The following EFCAB14 variants were observed in gnomAD, a reference collection of about 807,000 sequenced individuals.
The protein encoded by EFCAB14 is EF-hand calcium-binding domain-containing protein 14.
EFCAB14 carries 43 observed loss-of-function variants against 56.5 expected under a neutral mutation model. That is an observed-to-expected ratio of 0.76 (90% CI 0.60 to 0.98). The LOEUF (loss-of-function observed/expected upper bound fraction) is 0.98, where lower values mean the gene tolerates loss of function less well. Among genes scored for constraint, EFCAB14 ranks in the 50% least tolerant of loss-of-function variants. The pLI is 0.00. For missense variants in EFCAB14, 538 were observed against 580.3 expected (o/e 0.93, Z 0.75); for synonymous variants, 235 against 212.9 (o/e 1.10, Z -0.90).
intron 2 of EFCAB14, among the ~76,000 whole-genome samples, chr1:46,709,078 T>A (rs200841338): frequency 1.3e-5 from 2 of 152,236 alleles, no homozygotes; most frequent in Non-Finnish European, 2.9e-5. Context: ...CATTTCTACA[T>A]GGTCAGCTAC....
At chr1:46,709,940 A>G (rs1462816779) in intron 2 of EFCAB14, among the ~76,000 whole-genome samples, 1 of 152,140 alleles carries the variant, frequency 6.6e-6, no homozygotes, top group Non-Finnish European at 1.5e-5. Context: ...TTGAGCCAAG[A>G]TCTTGCCACC....
chr1:46,684,590 A>G lies in EFCAB14; in HGVS notation c.1087T>C (p.Ser363Pro). Residue 363 changes from serine (S) to proline (P), a missense_variant, in exon 9 of 11, where the codon TCA becomes CCA. Coordinates refer to ENST00000371933, the MANE Select transcript of EFCAB14 (RefSeq NM_014774.3). ...CTTAGCTTGGATACCTGAGAATTTG[A>G]ACTATCTTCTTTCTGCACAAAACAA... is the stretch of plus-strand genomic sequence containing the variant. ...KIQSIKKEDSSNSQVSKLREK... is the reference protein window; with the variant it reads ...KIQSIKKEDSPNSQVSKLREK... The G allele has an allele frequency of 6.2e-7, 1 of 1,613,922 alleles. No individual in the cohort carries two copies.
At position 46,718,274 on chromosome 1, in the gene EFCAB14, A is replaced by G. The variant is rs774078034; in HGVS notation, c.-187T>C. ...GGGACTGGAGATTGGAGCCCAGAGG[A>G]AACTGGAACTCAGATGGGTGGGGGA... On this transcript the variant is annotated 5_prime_UTR_variant, in exon 1 of 11. Transcript: ENST00000371933. 1.8e-4 allele frequency: 104 copies of G among 562,472 alleles called. No individual in the cohort carries two copies. Among genetic ancestry groups the G allele is most frequent in the South Asian group, 2.2e-4 (9 of 40,324 alleles). 34.8% of individuals were successfully genotyped at this position (562,472 alleles called of 1,614,324 possible).
At chr1:46,700,260 G>A (rs1303828975) in intron 3 of EFCAB14, among the ~76,000 whole-genome samples, 1 of 152,202 alleles carries the variant, frequency 6.6e-6, no homozygotes, top group Non-Finnish European at 1.5e-5. Context: ...AAAGCTCTTA[G>A]CATAGTACCT....
At chr1:46,715,294 G>A (rs1486643701) in intron 2 of EFCAB14, among the ~76,000 whole-genome samples, 2 of 152,176 alleles carry the variant, frequency 1.3e-5, no homozygotes, top group Non-Finnish European at 2.9e-5. Flanking sequence ...GGTGCAGACA[G>A]TAGTGTTATA....
intron 3 of EFCAB14, 76 bp from the exon 4 acceptor site, chr1:46,696,725 G>GTAGA: frequency 3.8e-6 from 5 of 1,327,846 alleles, no homozygotes; most frequent in South Asian, 1.2e-5. Flanking sequence ...CAAACTCTAC[G>GTAGA]GTTGGTGATG....
Position 46,718,039 on chromosome 1 carries a change from T to C in EFCAB14, c.49A>G (p.Ser17Gly), listed in dbSNP as rs757775551. The C allele has an allele frequency of 3.1e-6, 5 of 1,614,252 alleles. No homozygotes were observed. The highest frequency in any genetic ancestry group is 4.2e-6 in the Non-Finnish European group (5 of 1,180,042). ...LNALIGLAGD[S>G]RRKKPKKGPS... Reference sequence around the variant, plus strand: ...CCTTTCTTGGGCTTCTTTCTCCGGCTGTCCCCAGCCAAACCAATCAATGCA... The same window carrying C: ...CCTTTCTTGGGCTTCTTTCTCCGGCCGTCCCCAGCCAAACCAATCAATGCA... The change falls in exon 1 of 11, where the codon AGC becomes GGC. Residue 17 changes from serine to glycine, a missense_variant. Transcript: ENST00000371933.
chr1:46,702,869 G>C (rs1677180245), intron 3 of EFCAB14, among the ~76,000 whole-genome samples: 1 of 152,160 alleles, frequency 6.6e-6, no homozygotes, highest in South Asian at 2.1e-4. Flanking sequence ...TCTTGATACG[G>C]CTCTTGCTGA....
chr1:46,715,839 T>C (rs1677379196), intron 2 of EFCAB14, among the ~76,000 whole-genome samples: 1 of 151,352 alleles, frequency 6.6e-6, no homozygotes. Context: ...TCAAAAAGAG[T>C]ATAAAAATAC....
In EFCAB14 at chr1:46,719,099, AGCCCCAGAT is replaced by A. The variant is rs1249302531; in HGVS notation, c.-1021_-1013del. ...AGCTCCAGCCCCGGGCCATCGCTCC[AGCCCCAGAT>A]CACTTCCCCTTTGGCAGCGGCCGCC... On this transcript the variant is annotated 5_prime_UTR_variant, in exon 1 of 11. Transcript: ENST00000371933. This position sits in a 1 kb window ranked among gnomAD's most constrained non-coding sequence, Gnocchi z 4.0. The A allele has an allele frequency of 6.4e-6, 1 of 155,526 alleles. No homozygotes were observed. The highest frequency in any genetic ancestry group is 6.5e-5 in the Admixed American group (1 of 15,312). 9.6% of individuals were successfully genotyped at this position (155,526 alleles called of 1,614,324 possible).
intron 10 of EFCAB14, 87 bp downstream of exon 10, chr1:46,683,213 C>T: frequency 6.9e-7 from 1 of 1,443,858 alleles, no homozygotes; most frequent in South Asian, 1.3e-5. Flanking sequence ...AATGTTAGAT[C>T]ATATATATTT....
Position 46,718,095 on chromosome 1 carries a change from T to A in EFCAB14, c.-8A>T, listed in dbSNP as rs777612313. 2 of 1,613,222 alleles carry A rather than the reference T, an allele frequency of 1.2e-6. No individual in the cohort carries two copies. Among genetic ancestry groups the A allele is most frequent in the East Asian group, 4.5e-5 (2 of 44,848 alleles). ...CTCTTTGCGCTTTTTCATCTTTTTG[T>A]GTGGGGTGAGTGGAGCCCCGACTCC... On this transcript the variant is annotated 5_prime_UTR_variant, in exon 1 of 11. Transcript: ENST00000371933.
chr1:46,699,246 A>G (rs552878648), intron 3 of EFCAB14, among the ~76,000 whole-genome samples: 1 of 152,234 alleles, frequency 6.6e-6, no homozygotes, highest in Non-Finnish European at 1.5e-5. Flanking sequence ...ACTCTGACAG[A>G]GAAGTTAGAA....
chr1:46,689,845 T>C (rs1676962620), intron 5 of EFCAB14, among the ~76,000 whole-genome samples, 154 bp from the exon 6 acceptor site: 1 of 152,210 alleles, frequency 6.6e-6, no homozygotes, highest in African/African-American at 2.4e-5. Context: ...TAACCAGTCT[T>C]GTGCTAGGTT....
rs1221273323 is a variant in EFCAB14, at chr1:46,707,900, TAGTACCTG to T, written c.478_480+5del. 1 of 1,607,110 alleles carries T rather than the reference TAGTACCTG, an allele frequency of 6.2e-7. No homozygotes were observed. The highest frequency in any genetic ancestry group is 8.5e-7 in the Non-Finnish European group (1 of 1,179,060). ...GCTTACACAGCAAAAATCAAACTTTTAGTACCTGCTTATTCATTTCTGTGATGTTTATC... is the reference window on the plus strand; with the variant it reads ...GCTTACACAGCAAAAATCAAACTTTTCTTATTCATTTCTGTGATGTTTATC... On this transcript the variant is annotated splice_donor_variant and splice_donor_5th_base_variant and coding_sequence_variant and intron_variant, in exon 3 of 11. Transcript: ENST00000371933. LOFTEE classifies it high-confidence loss of function.
chr1:46,686,824 A>G lies in EFCAB14; in HGVS notation c.1034T>C (p.Val345Ala). 6.2e-7 allele frequency: 1 copy of G among 1,613,832 alleles called. No homozygotes were observed. Among genetic ancestry groups the G allele is most frequent in the Non-Finnish European group, 8.5e-7 (1 of 1,179,854 alleles). Residue 345 changes from valine to alanine, a missense_variant, in exon 8 of 11, where the codon GTC becomes GCC. Val to Ala is a moderately conservative substitution (Grantham distance 64). Transcript: ENST00000371933. ...TTTTACTGTATCTGTTCTGTTGGTG[A>G]CTTGATCCAAAGACTGTCTTTTCAG... Reference protein sequence around the residue: ...ATLKRQSLDQVTNRTDTVKIQ... With the variant: ...ATLKRQSLDQATNRTDTVKIQ...
At chr1:46,679,616 T>G (rs1299767561) in intron 10 of EFCAB14, among the ~76,000 whole-genome samples, 2 of 131,470 alleles carry the variant, frequency 1.5e-5, no homozygotes, top group Non-Finnish European at 3.3e-5. Flanking sequence ...TTTTTTTTTT[T>G]TTTTTTTTTT....
In EFCAB14 at chr1:46,714,429, T is replaced by TAA. The variant is rs796203292; in HGVS notation, c.334+1864_334+1865dup. Among the ~76,000 whole-genome samples, 633 of 107,876 alleles carry TAA rather than the reference T, an allele frequency of 5.9e-3. 4 individuals are homozygous for TAA. The highest frequency in any genetic ancestry group is 0.042 in the Admixed American group (438 of 10,376). 70.8% of individuals were successfully genotyped at this position (107,876 alleles called of 152,430 possible). ...CTAGAGCCAAAAGTTTCAGTGTTGCTAAAAAAAAAAAAAAAAAAAATTCTA... is the reference window on the plus strand; with the variant it reads ...CTAGAGCCAAAAGTTTCAGTGTTGCTAAAAAAAAAAAAAAAAAAAAAATTCTA... On this transcript the variant is annotated intron_variant, in intron 2 of 10. Transcript: ENST00000371933.
At position 46,718,365 on chromosome 1, in the gene EFCAB14, G is replaced by C. The variant is rs999918015; in HGVS notation, c.-278C>G. The C allele has an allele frequency of 1.4e-4, 46 of 321,542 alleles. No individual in the cohort carries two copies. The highest frequency in any genetic ancestry group is 2.4e-4 in the Non-Finnish European group (42 of 172,680). 19.9% of individuals were successfully genotyped at this position (321,542 alleles called of 1,614,324 possible). A position where few individuals can be genotyped will look rare whatever the true frequency, so the allele number is the denominator to read the frequency against. ...ATAAGGCCTTGGGTGCAGAGTGTTA[G>C]TAGAGGGTGGAGAGGGACCTTTATC... is the stretch of plus-strand genomic sequence containing the variant. On this transcript the variant is annotated 5_prime_UTR_variant, in exon 1 of 11. Coordinates refer to ENST00000371933, the MANE Select transcript of EFCAB14 (RefSeq NM_014774.3).
Sources: gnomAD v4.1 joint callset for allele counts (sites outside exome capture counted in the v4.1 genomes callset) on GRCh38, gnomAD v4.1.1 for gene constraint, Gnocchi (gnomAD v3.1) non-coding constraint, MANE v1.5 for transcripts, NCBI Gene and HGNC (gene_info 2026-07-23, HGNC 2026-07-21) for gene names.